LTBP4: variants seen among roughly 807,000 people sequenced by gnomAD.
LTBP4 encodes latent-transforming growth factor beta-binding protein 4.
Under a neutral mutation model 180.2 loss-of-function variants are expected in LTBP4, and 93 were observed. The ratio of observed to expected loss-of-function variants is 0.52; its 90% confidence interval spans 0.44 to 0.61. The LOEUF (loss-of-function observed/expected upper bound fraction) is 0.61. Among genes scored for constraint, LTBP4 ranks in the 20% least tolerant of loss-of-function variants. The pLI is 0.00. For missense variants in LTBP4, 2,116 were observed against 2,256.5 expected, an observed-to-expected ratio of 0.94 and a Z score of 1.26; for synonymous variants, 947 against 934.5, an observed-to-expected ratio of 1.01 and a Z score of -0.24.
chr19:40,599,069 A>G (rs2081406213), upstream of LTBP4: 2 of 838,492 alleles, frequency 2.4e-6, no homozygotes, highest in East Asian at 5.3e-5. Context: ...GGGGAGAAGA[A>G]CCTCGTTAGT....
chr19:40,612,200 C>A lies in LTBP4; in HGVS notation c.2299+8C>A. 1 of 1,590,754 alleles carries A rather than the reference C, an allele frequency of 6.3e-7. No homozygotes were observed. The highest frequency in any genetic ancestry group is 1.1e-5 in the South Asian group (1 of 88,094). ...ACCGTGGCAGATGCACTGGTGAGACCAGGCCCTGGCTGTGACCTTGGGCCT... is the reference window on the plus strand; with the variant it reads ...ACCGTGGCAGATGCACTGGTGAGACAAGGCCCTGGCTGTGACCTTGGGCCT... On this transcript the variant is annotated splice_region_variant and intron_variant, in intron 15 of 29. Transcript: ENST00000396819.
chr19:40,613,619 C>T lies in LTBP4; in HGVS notation c.2557+90C>T. On this transcript the variant is annotated intron_variant, in intron 17 of 29. Coordinates refer to ENST00000396819, the MANE Select transcript of LTBP4 (RefSeq NM_001042545.2). The surrounding 1 kb of genome is among the most constrained non-coding windows in gnomAD (Gnocchi z 5.0). ...GGAGAAGAGGGCGAAAAGGGGAAAA[C>T]GAGTTTTTAGCCGGGGTATTCCAGC... is the stretch of plus-strand genomic sequence containing the variant. 1.3e-6 allele frequency: 2 copies of T among 1,530,736 alleles called. No individual in the cohort carries two copies. The highest frequency in any genetic ancestry group is 1.8e-6 in the Non-Finnish European group (2 of 1,140,854). 94.8% of individuals were successfully genotyped at this position (1,530,736 alleles called of 1,614,324 possible).
chr19:40,614,391 C>G lies in LTBP4; in HGVS notation c.2757C>G (p.Arg919=). 1 of 1,600,434 alleles carries G rather than the reference C, an allele frequency of 6.2e-7. No homozygotes were observed. The highest frequency in any genetic ancestry group is 1.1e-5 in the South Asian group (1 of 91,084). The change falls in exon 19 of 30, where the codon CGC becomes CGG. Residue 919 remains arginine (R), a synonymous_variant. Transcript: ENST00000396819. Reference sequence around the variant, plus strand: ...GTGAGAACTCTCCCGGCTCCTACCGCTGTGTCCGGGACTGCGATCCTGGGT... The same window carrying G: ...GTGAGAACTCTCCCGGCTCCTACCGGTGTGTCCGGGACTGCGATCCTGGGT... ...QRCENSPGSY[R]CVRDCDPGYH... is the part of the protein sequence containing the mutation.
chr19:40,613,373 G>T lies in LTBP4; in HGVS notation c.2432-31G>T, dbSNP rs767740882. 10 of 1,597,394 alleles carry T rather than the reference G, an allele frequency of 6.3e-6. No homozygotes were observed. The South Asian group carries it at 9.1e-5, about 14-fold the overall frequency. ...GAGCTTGTCTGGGAGGCCGGGTCCC[G>T]TGACTCCGCCCAATCTCCCGCGTAC... On this transcript the variant is annotated intron_variant, in intron 16 of 29. Coordinates refer to ENST00000396819, the MANE Select transcript of LTBP4 (RefSeq NM_001042545.2). The surrounding 1 kb of genome is among the most constrained non-coding windows in gnomAD (Gnocchi z 5.0).
chr19:40,593,803 C>A (rs935816609), intron 1 of LTBP4, among the ~76,000 whole-genome samples: 2 of 150,262 alleles, frequency 1.3e-5, no homozygotes, highest in South Asian at 2.1e-4. Context: ...TTCTTTATTT[C>A]TTTTTTTTGA....
intron 1 of LTBP4, among the ~76,000 whole-genome samples, chr19:40,594,041 T>A (rs943690157): frequency 2.8e-5 from 4 of 141,854 alleles, no homozygotes; most frequent in Non-Finnish European, 6.1e-5. Context: ...TGATCTGCCC[T>A]CCCACCTCGG....
chr19:40,605,762 G>A lies in LTBP4; in HGVS notation c.724G>A (p.Glu242Lys). The change falls in exon 4 of 30, where the codon GAG becomes AAG. Residue 242 changes from glutamate to lysine, a missense_variant. Transcript: ENST00000396819. This position sits in a 1 kb window ranked among gnomAD's most constrained non-coding sequence, Gnocchi z 5.5. ...CCCGCTGCCCGGGCTCCGGACGCAG[G>A]AGGTCTGCTGCCGAGGGGCCGGCTT... is the stretch of plus-strand genomic sequence containing the variant. ...ASPLPGLRTQ[E>K]VCCRGAGLAW... is the part of the protein sequence containing the mutation. The A allele has an allele frequency of 6.5e-7, 1 of 1,543,812 alleles. No individual in the cohort carries two copies. Among genetic ancestry groups the A allele is most frequent in the Non-Finnish European group, 8.7e-7 (1 of 1,146,712 alleles).
Position 40,607,522 on chromosome 19 carries a change from C to T in LTBP4, c.1149C>T (p.Phe383=). The change falls in exon 7 of 30, where the codon TTC becomes TTT. Residue 383 remains phenylalanine (F), a synonymous_variant. Transcript: ENST00000396819. ...GGGGCTGCCAGCTCTGCCCACCCTT[C>T]GGCTCAGGTGAGCCCCTGCGGCAGT... ...WGRGCQLCPP[F]GSEGFREICP... is the part of the protein sequence containing the mutation. 1 of 1,609,514 alleles carries T rather than the reference C, an allele frequency of 6.2e-7. No individual in the cohort carries two copies. The highest frequency in any genetic ancestry group is 8.5e-7 in the Non-Finnish European group (1 of 1,178,336).
intron 7 of LTBP4, among the ~76,000 whole-genome samples, chr19:40,607,845 C>T (rs1179659930): frequency 6.6e-6 from 1 of 152,226 alleles, no homozygotes; most frequent in Non-Finnish European, 1.5e-5. Context: ...TTCTGAGACA[C>T]TGCCTTCAGC....
upstream of LTBP4, chr19:40,598,694 C>T (rs2081404252): frequency 4.8e-6 from 1 of 208,818 alleles, no homozygotes; most frequent in Non-Finnish European, 9.9e-6. Context: ...CCCCCTCCAC[C>T]TCAGCACCCT....
At chr19:40,603,554 G>A (rs1462026870) in intron 1 of LTBP4, among the ~76,000 whole-genome samples, 1 of 152,202 alleles carries the variant, frequency 6.6e-6, no homozygotes, top group African/African-American at 2.4e-5. Context: ...CTCTGAGCTA[G>A]GTTCCTCCAT....
At chr19:40,600,066 A>T, upstream of LTBP4, 1 of 1,260,114 alleles carries the variant, frequency 7.9e-7, no homozygotes, top group Non-Finnish European at 1.0e-6. This position sits in a 1 kb window ranked among gnomAD's most constrained non-coding sequence, Gnocchi z 4.4. Context: ...TCTCCCACCC[A>T]GGCTCCAGGA....
intron 18 of LTBP4, 130 bp from the exon 19 acceptor site, chr19:40,614,185 C>A: frequency 1.4e-6 from 2 of 1,434,836 alleles, no homozygotes; most frequent in Non-Finnish European, 1.9e-6. Context: ...CAACTCTCCT[C>A]TACCCCAATC....
rs1280987045 is a variant in LTBP4 at position 40,606,259 on chromosome 19, G to A, written c.820G>A (p.Asp274Asn). ...LGNSERVSAP[D>N]GPCPTGFERV... ...GAACTCCGAAAGAGTGAGCGCCCCA[G>A]ATGGACCTTGTCCAACCGGCTTTGA... Residue 274 changes from aspartate (D) to asparagine (N), a missense_variant, in exon 5 of 30, where the codon GAT (aspartate) becomes AAT (asparagine). Around this residue, in one of 5 missense-constraint regions of LTBP4, gnomAD observed 469 missense variants for 532.5 expected, o/e 0.88. Transcript: ENST00000396819. The A allele has an allele frequency of 6.3e-7, 1 of 1,597,086 alleles. No homozygotes were observed. The highest frequency in any genetic ancestry group is 1.7e-4 in the Middle Eastern group (1 of 6,046).
chr19:40,598,291 G>A (rs575836375), upstream of LTBP4, among the ~76,000 whole-genome samples: 30 of 152,242 alleles, frequency 2.0e-4, no homozygotes, highest in Non-Finnish European at 3.8e-4. Flanking sequence ...GGATCCCCGA[G>A]GCTCCCCACC....
rs748534261 is a variant in LTBP4 at position 40,608,369 on chromosome 19, G to T, written c.1306G>T (p.Gly436Cys). 3 of 1,612,102 alleles carry T rather than the reference G, an allele frequency of 1.9e-6. No homozygotes were observed. The highest frequency in any genetic ancestry group is 2.5e-6 in the Non-Finnish European group (3 of 1,178,952). ...GCCAGCCACCTCTCGGCCATCTGCA[G>T]GTGAGCTGGCTCTGGCAGAAGTGGG... ...TLPATSRPSAGFLPTHRLEPR... is the reference protein window; with the variant it reads ...TLPATSRPSACFLPTHRLEPR... The change falls in exon 8 of 30, where the codon GGC becomes TGC. Residue 436 changes from glycine to cysteine, a missense_variant and splice_region_variant. Gly to Cys is a radical substitution (Grantham distance 159). This residue lies in a region of LTBP4 where 877 missense variants were observed against 873.6 expected (regional missense o/e 1.00). Transcript: ENST00000396819.
chr19:40,626,078 C>T, intron 27 of LTBP4, 69 bp downstream of exon 27: 1 of 1,478,798 alleles, frequency 6.8e-7, no homozygotes, highest in Non-Finnish European at 9.0e-7. Context: ...GCCCTCAGAT[C>T]CCCAGTCGCA....
In LTBP4 at chr19:40,610,549, C is replaced by T. The variant is rs33937741; in HGVS notation, c.1702C>T (p.Arg568Cys). Residue 568 changes from arginine (R) to cysteine (C), a missense_variant, in exon 12 of 30, where the codon CGC becomes TGC. Arg to Cys is a radical substitution (Grantham distance 180). Transcript: ENST00000396819. Reference protein sequence around the residue: ...AECLDVDECHRVPPPCDLGRC... With the variant: ...AECLDVDECHCVPPPCDLGRC... ...GCCTACAGATGTGGACGAGTGCCAC[C>T]GCGTGCCGCCGCCGTGTGACCTCGG... 2 of 1,593,390 alleles carry T rather than the reference C, an allele frequency of 1.3e-6. No homozygotes were observed. The highest frequency in any genetic ancestry group is 2.2e-5 in the East Asian group (1 of 44,584).
intron 1 of LTBP4, among the ~76,000 whole-genome samples, chr19:40,604,018 T>C (rs1005588734): frequency 2.4e-4 from 37 of 152,264 alleles, no homozygotes; most frequent in African/African-American, 8.9e-4. Context: ...CCGGTGCTAC[T>C]GGAGGCTGTA....
Sources: gnomAD v4.1 joint callset for allele counts (sites outside exome capture counted in the v4.1 genomes callset) on GRCh38, gnomAD v4.1.1 for gene constraint, gnomAD v4.1.1 regional missense constraint, Gnocchi (gnomAD v3.1) non-coding constraint, MANE v1.5 for transcripts, NCBI Gene and HGNC (gene_info 2026-07-23, HGNC 2026-07-21) for gene names.